Variants in FBN2 observed in about 807,000 individuals in gnomAD.
FBN2 encodes the protein fibrillin 2, also known as fibrillin-2.
A neutral mutation model predicts 355.6 loss-of-function variants in FBN2; 105 were observed. The ratio of observed to expected loss-of-function variants is 0.30; its 90% confidence interval spans 0.25 to 0.35. The LOEUF (loss-of-function observed/expected upper bound fraction) is 0.35. Ranked by LOEUF, FBN2 falls within the 10% of genes least tolerant of loss-of-function variation. FBN2 has a pLI of 1.00. For synonymous variants in FBN2, 1,350 were observed against 1,301.2 expected, an observed-to-expected ratio of 1.04 and a Z score of -0.81; for missense variants, 3,280 against 3,758.7, an observed-to-expected ratio of 0.87 and a Z score of 3.33.
At chr5:128,415,096 C>T (rs916706763) in intron 7 of FBN2, among the ~76,000 whole-genome samples, 1 of 152,110 alleles carries the variant, frequency 6.6e-6, no homozygotes, top group Non-Finnish European at 1.5e-5. Flanking sequence ...AACATTTATA[C>T]ATTTTTATGG....
chr5:128,510,017 C>T (rs1756070770), intron 5 of FBN2, among the ~76,000 whole-genome samples: 1 of 152,182 alleles, frequency 6.6e-6, no homozygotes. Flanking sequence ...ACTTGAGAGA[C>T]AGCCTCTGTA....
At chr5:128,447,162 G>GT (rs1195353785) in intron 6 of FBN2, among the ~76,000 whole-genome samples, 1 of 152,116 alleles carries the variant, frequency 6.6e-6, no homozygotes, top group Admixed American at 6.6e-5. Context: ...GGCACAAATT[G>GT]TTTAAACGAT....
At chr5:128,305,760 A>T in intron 43 of FBN2, 63 bp downstream of exon 43, 1 of 1,603,238 alleles carries the variant, frequency 6.2e-7, no homozygotes, top group Admixed American at 1.7e-5. Context: ...ATCAGAAACC[A>T]TCTAAATGCT....
intron 7 of FBN2, among the ~76,000 whole-genome samples, chr5:128,426,858 C>G (rs1753496652): frequency 6.6e-6 from 1 of 152,272 alleles, no homozygotes; most frequent in South Asian, 2.1e-4. Context: ...ATCTCCCTGA[C>G]TTTTCCTTCC....
At chr5:128,533,748 C>A (rs1756770648) in intron 2 of FBN2, among the ~76,000 whole-genome samples, 1 of 152,066 alleles carries the variant, frequency 6.6e-6, no homozygotes, top group Non-Finnish European at 1.5e-5. Context: ...GTTATTTAGT[C>A]CAGCCAACCT....
chr5:128,306,054 G>T (rs1167948266), intron 42 of FBN2, 106 bp from the exon 43 acceptor site: 3 of 1,169,834 alleles, frequency 2.6e-6, no homozygotes, highest in Non-Finnish European at 3.8e-6. Flanking sequence ...CAAATATTCA[G>T]TGTCACAAAA....
chr5:128,494,482 A>G (rs1415572969), intron 5 of FBN2, among the ~76,000 whole-genome samples: 1 of 152,182 alleles, frequency 6.6e-6, no homozygotes, highest in Admixed American at 6.5e-5. Flanking sequence ...TTTATCCTGC[A>G]AAGGGTCCTG....
chr5:128,260,006 G>C (rs2126792219), intron 64 of FBN2, among the ~76,000 whole-genome samples, 177 bp from the exon 65 acceptor site: 1 of 152,106 alleles, frequency 6.6e-6, no homozygotes, highest in Middle Eastern at 3.4e-3. Context: ...ATTTTTGTCA[G>C]TTGGAAGAAA....
At chr5:128,313,878 A>G (rs905548946) in intron 36 of FBN2, among the ~76,000 whole-genome samples, 4 of 142,502 alleles carry the variant, frequency 2.8e-5, no homozygotes, top group African/African-American at 7.8e-5. Context: ...AAAAAAAAAC[A>G]TATCTGGAAT....
At chr5:128,346,882 T>G (rs1286896882) in intron 23 of FBN2, among the ~76,000 whole-genome samples, 1 of 152,248 alleles carries the variant, frequency 6.6e-6, no homozygotes, top group East Asian at 1.9e-4. Flanking sequence ...AATGTTTATT[T>G]TGATTCAGCA....
chr5:128,366,814 T>C (rs1685664284), intron 16 of FBN2, among the ~76,000 whole-genome samples: 1 of 152,194 alleles, frequency 6.6e-6, no homozygotes, highest in Non-Finnish European at 1.5e-5. Flanking sequence ...GGTATTGTTC[T>C]ACATTTTTCA....
At chr5:128,393,435 A>T (rs1752574077) in intron 9 of FBN2, 67 bp from the exon 10 acceptor site, 1 of 1,346,914 alleles carries the variant, frequency 7.4e-7, no homozygotes, top group Admixed American at 1.7e-5. Context: ...AGCCATTGGT[A>T]CACTGTACTA....
chr5:128,417,306 A>G (rs145278328), intron 7 of FBN2, among the ~76,000 whole-genome samples: 240 of 152,274 alleles, frequency 1.6e-3, no homozygotes, highest in African/African-American at 5.4e-3. Context: ...AAGAGAGACA[A>G]TTTGATTTCC....
In FBN2 at chr5:128,305,634, T is replaced by C. The variant is rs779901706; in HGVS notation, c.5551A>G (p.Ile1851Val). ...TTATCACCATTGCTGCACTCATCTA[T>C]ATCTGAAAGAGCAACAATTCCATTT... is the stretch of plus-strand genomic sequence containing the variant. The part of the protein sequence containing the change: ...YNDLLLVCED[I>V]DECSNGDNLC... The change falls in exon 44 of 65, where the codon ATA becomes GTA. Residue 1851 changes from isoleucine to valine, a missense_variant and splice_region_variant. This residue lies in a region of FBN2 where 2,284 missense variants were observed against 2,749.5 expected (regional missense o/e 0.83). Transcript: ENST00000262464. 1.3e-5 allele frequency: 21 copies of C among 1,613,908 alleles called. No homozygotes were observed. The Admixed American group carries it at 1.5e-4, about 12-fold the overall frequency.
intron 8 of FBN2, among the ~76,000 whole-genome samples, chr5:128,398,504 T>C (rs1315756621): frequency 6.6e-6 from 1 of 151,834 alleles, no homozygotes; most frequent in Non-Finnish European, 1.5e-5. Flanking sequence ...CTTCTATAAA[T>C]GAAATGAAAT....
At position 128,309,919 on chromosome 5, in the gene FBN2, C is replaced by T. The variant is rs375809070; in HGVS notation, c.5200+64G>A. The T allele has an allele frequency of 4.3e-5, 66 of 1,537,276 alleles. 1 individual carries two copies. The highest frequency in any genetic ancestry group is 4.1e-4 in the South Asian group (37 of 89,596). On this transcript the variant is annotated intron_variant, in intron 40 of 64. Transcript: ENST00000262464. ...AAACTTCCAAACAATAATTCTGAGA[C>T]GTAAGTGCTTTATGTGTGAAGTCAA...
At chr5:128,395,604 C>A (rs1752630163) in intron 8 of FBN2, among the ~76,000 whole-genome samples, 1 of 152,208 alleles carries the variant, frequency 6.6e-6, no homozygotes, top group Non-Finnish European at 1.5e-5. Flanking sequence ...GTCTGTAATG[C>A]AGCAACATCT....
At chr5:128,303,438 T>C (rs1193627077) in intron 45 of FBN2, among the ~76,000 whole-genome samples, 1 of 152,174 alleles carries the variant, frequency 6.6e-6, no homozygotes, top group Non-Finnish European at 1.5e-5. Flanking sequence ...ACAATTTCTT[T>C]CATAATAAAA....
intron 39 of FBN2, among the ~76,000 whole-genome samples, chr5:128,310,396 ATATATATTTTTTTTTTTTTT>A (rs1750018058): frequency 1.6e-4 from 3 of 18,416 alleles, no homozygotes; most frequent in Admixed American, 4.7e-4. Context: ...ATATATATAT[ATATATATTTTTTTTTTTTTT>A]TTTTTATTGC....
Sources: allele counts gnomAD v4.1 joint callset (sites outside exome capture counted in the v4.1 genomes callset), GRCh38; gene constraint gnomAD v4.1.1; regional missense constraint gnomAD v4.1.1; transcripts MANE v1.5; gene names NCBI Gene and HGNC (gene_info 2026-07-23, HGNC 2026-07-21).